FTCD: variants seen among roughly 807,000 people sequenced by gnomAD.
FTCD encodes formimidoyltransferase cyclodeaminase, also known as formimidoyltransferase-cyclodeaminase.
In FTCD, 76 loss-of-function variants were observed where a neutral mutation model predicts 62.9. That is an observed-to-expected ratio of 1.21 (90% CI 1.00 to 1.46). The LOEUF is 1.46. Among genes scored for constraint, FTCD ranks in the 40% most tolerant of loss-of-function variants. The probability of loss-of-function intolerance (pLI) is 0.00; values close to 1 mark genes in which losing one functional copy is unlikely to be tolerated. For synonymous variants in FTCD, 397 were observed against 336.9 expected (o/e 1.18, Z -1.95); for missense variants, 845 against 751.3 (o/e 1.12, Z -1.46).
rs1216462039 is a variant in FTCD at position 46,152,349 on chromosome 21, C to CGCACACCAG, written c.368-378_368-370dup. Reference sequence around the variant, plus strand: ...AGAGAAGAGGAAAAACTCGTGAACCCGCACACCAGTGTGACTGTGACGTGG... The same window carrying CGCACACCAG: ...AGAGAAGAGGAAAAACTCGTGAACCCGCACACCAGGCACACCAGTGTGACTGTGACGTGG... On this transcript the variant is annotated intron_variant, in intron 3 of 13. Transcript: ENST00000397746. 2.0e-5 allele frequency: 5 copies of CGCACACCAG among 246,288 alleles called. No individual in the cohort carries two copies. The Admixed American group carries it at 2.5e-4, about 12-fold the overall frequency. 15.3% of individuals were successfully genotyped at this position (246,288 alleles called of 1,614,324 possible). A position where few individuals can be genotyped will look rare whatever the true frequency, so the allele number is the denominator to read the frequency against.
At chr21:46,148,902 C>T (rs1049934270) in intron 7 of FTCD, among the ~76,000 whole-genome samples, 5 of 152,108 alleles carry the variant, frequency 3.3e-5, no homozygotes, top group Non-Finnish European at 5.9e-5. Flanking sequence ...TTATTAGATA[C>T]TAGGATTGTA....
chr21:46,142,166 T>C (rs1601309942), intron 10 of FTCD: 1 of 152,412 alleles, frequency 6.6e-6, no homozygotes, highest in African/African-American at 2.4e-5. Context: ...CTGCAAACAG[T>C]GTGTCCGGAA....
chr21:46,147,459 T>C (rs1252051559), intron 7 of FTCD, among the ~76,000 whole-genome samples: 2 of 152,128 alleles, frequency 1.3e-5, no homozygotes, highest in African/African-American at 4.8e-5. Flanking sequence ...CAAACCCTCC[T>C]TGGAGGAGAA....
chr21:46,150,277 C>A (rs1568978970), intron 6 of FTCD, 27 bp from the exon 7 acceptor site: 2 of 1,608,802 alleles, frequency 1.2e-6, no homozygotes, highest in African/African-American at 1.3e-5. Context: ...AGCGTCACCC[C>A]CTGGGGGCTG....
chr21:46,141,300 TTTA>T (rs1412762629), intron 10 of FTCD, among the ~76,000 whole-genome samples: 1 of 135,874 alleles, frequency 7.4e-6, no homozygotes, highest in African/African-American at 3.2e-5. Flanking sequence ...CACGCCTGGC[TTTA>T]TTTTTTTTTT....
chr21:46,142,681 G>C (rs939245372), intron 10 of FTCD: 5 of 152,234 alleles, frequency 3.3e-5, no homozygotes, highest in African/African-American at 9.6e-5. Context: ...AGCCCCCACA[G>C]CTTGGAACAG....
At chr21:46,142,266 CCTT>C (rs1247662378) in intron 10 of FTCD, 3 of 148,634 alleles carry the variant, frequency 2.0e-5, no homozygotes, top group East Asian at 1.9e-4. Flanking sequence ...AAGCCGGAGA[CCTT>C]CTCAGTGAGC....
At chr21:46,137,966 G>C (rs725976) in intron 12 of FTCD, among the ~76,000 whole-genome samples, 1 of 152,042 alleles carries the variant, frequency 6.6e-6, no homozygotes, top group Admixed American at 6.6e-5. Context: ...GTGTGATCAC[G>C]GCTCACTGCA....
intron 10 of FTCD, among the ~76,000 whole-genome samples, chr21:46,141,133 T>C (rs2078995897): frequency 6.6e-6 from 1 of 152,224 alleles, no homozygotes; most frequent in Admixed American, 6.5e-5. Context: ...GTTCCTATGT[T>C]TTATATACAT....
At position 46,154,003 on chromosome 21, in the gene FTCD, C is replaced by T. The variant is rs1032667065; in HGVS notation, c.238+146G>A. On this transcript the variant is annotated intron_variant, in intron 2 of 13. Coordinates refer to ENST00000397746, the MANE Select transcript of FTCD (RefSeq NM_206965.2). ...GGCCATGACCCCCACACTCCAGGGT[C>T]CTCCTAGGAGAGCCAGAGCCAGCCC... The T allele has an allele frequency of 3.2e-5, 26 of 817,206 alleles. No individual in the cohort carries two copies. The South Asian group carries it at 3.8e-4, about 12-fold the overall frequency. The allele number at this position is 817,206 out of a possible 1,614,324, so 50.6% of individuals were successfully genotyped here.
intron 10 of FTCD, among the ~76,000 whole-genome samples, chr21:46,144,825 G>T (rs913331062): frequency 6.7e-6 from 1 of 148,356 alleles, no homozygotes; most frequent in Non-Finnish European, 1.5e-5. Flanking sequence ...CCCTTTCCCA[G>T]GCTCTCTGGC....
Position 46,145,848 on chromosome 21 carries a change from GC to G in FTCD, c.1067del (p.Gly356AlafsTer22). On this transcript the variant is annotated frameshift_variant, in exon 9 of 14. Transcript: ENST00000397746. LOFTEE classifies it high-confidence loss of function. ...CCGCAGCGGCCGCCGCCACCGAGCC[GC>G]CCCCGGGGGCCGCAGAGCGGGCACC... Reference protein sequence around the residue: ...EVGARSAAPGGGSVAAAAAAM... With the variant: ...EVGARSAAPGXGSVAAAAAAM... 10 of 1,017,262 alleles carry G rather than the reference GC, an allele frequency of 9.8e-6. No homozygotes were observed. Among genetic ancestry groups the G allele is most frequent in the East Asian group, 1.8e-4 (2 of 11,304 alleles). The allele number at this position is 1,017,262 out of a possible 1,614,324, so 63.0% of individuals were successfully genotyped here.
chr21:46,152,134 G>A, intron 3 of FTCD, 154 bp from the exon 4 acceptor site: 1 of 603,584 alleles, frequency 1.7e-6, no homozygotes, highest in Non-Finnish European at 2.9e-6. Flanking sequence ...GCCTTGGATG[G>A]ATGCGGGTGG....
rs776937841 is a variant in FTCD, at chr21:46,136,915, C to T, written c.*72G>A. 57 of 1,606,852 alleles carry T rather than the reference C, an allele frequency of 3.5e-5. No homozygotes were observed. In the African/African-American group the frequency reaches 5.9e-4, roughly 17 times the overall value. Reference sequence around the variant, plus strand: ...CCACACGAACAAGCTGTGTCCCCACCGAGGTCACAGCTCTGCCCTCTGGGG... The same window carrying T: ...CCACACGAACAAGCTGTGTCCCCACTGAGGTCACAGCTCTGCCCTCTGGGG... On this transcript the variant is annotated 3_prime_UTR_variant, in exon 14 of 14. Coordinates refer to ENST00000397746, the MANE Select transcript of FTCD (RefSeq NM_206965.2).
intron 7 of FTCD, among the ~76,000 whole-genome samples, chr21:46,147,699 G>A (rs2079179771): frequency 6.6e-6 from 1 of 152,092 alleles, no homozygotes; most frequent in Non-Finnish European, 1.5e-5. Context: ...AGTGCTTTGG[G>A]AGGCTGAGGC....
chr21:46,141,118 A>G (rs768260448), intron 10 of FTCD, among the ~76,000 whole-genome samples: 2 of 151,022 alleles, frequency 1.3e-5, no homozygotes, highest in Non-Finnish European at 3.0e-5. Flanking sequence ...TCTAAACATA[A>G]AATTGTTCCT....
At chr21:46,151,528 G>T in intron 5 of FTCD, 30 bp downstream of exon 5, 1 of 1,592,974 alleles carries the variant, frequency 6.3e-7, no homozygotes, top group Non-Finnish European at 8.6e-7. Context: ...GGGCTGGGTG[G>T]GGCTCCATGG....
In FTCD at chr21:46,151,577, T is replaced by C; in HGVS notation, c.617A>G (p.Gln206Arg). ...AHRIALNLRE[Q>R]GRGKDQPGRL... is the part of the protein sequence containing the mutation. The stretch of plus-strand genomic sequence containing the variant: ...GGTCACCTGGTCCTTCCCGCGGCCC[T>C]GCTCCCGCAGGTTGAGCGCGATGCG... Residue 206 changes from glutamine to arginine, a missense_variant, in exon 5 of 14, where the codon CAG becomes CGG. Coordinates refer to ENST00000397746, the MANE Select transcript of FTCD (RefSeq NM_206965.2). The C allele has an allele frequency of 6.2e-7, 1 of 1,612,882 alleles. No individual in the cohort carries two copies. Among genetic ancestry groups the C allele is most frequent in the Non-Finnish European group, 8.5e-7 (1 of 1,179,922 alleles).
At position 46,151,722 on chromosome 21, in the gene FTCD, A is replaced by C; in HGVS notation, c.472T>G (p.Trp158Gly). Residue 158 changes from tryptophan to glycine, a missense_variant, in exon 5 of 14, where the codon TGG becomes GGG. By Grantham distance (184) the Trp-to-Gly change is radical. Coordinates refer to ENST00000397746, the MANE Select transcript of FTCD (RefSeq NM_206965.2). ...ALPKKLQQAD[W>G]APDFGPSSFV... Reference sequence around the variant, plus strand: ...GAGCTGGGACCAAAGTCGGGCGCCCAGTCGGCCTGCTGGAGCTGTGAGCAA... The same window carrying C: ...GAGCTGGGACCAAAGTCGGGCGCCCCGTCGGCCTGCTGGAGCTGTGAGCAA... The C allele has an allele frequency of 6.2e-7, 1 of 1,612,880 alleles. No individual in the cohort carries two copies. The highest frequency in any genetic ancestry group is 8.5e-7 in the Non-Finnish European group (1 of 1,179,966).
Sources: allele counts gnomAD v4.1 joint callset (sites outside exome capture counted in the v4.1 genomes callset), GRCh38; gene constraint gnomAD v4.1.1; transcripts MANE v1.5; gene names NCBI Gene and HGNC (gene_info 2026-07-23, HGNC 2026-07-21).